The following TRAPPC8 variants were observed in gnomAD, a reference collection of about 807,000 sequenced individuals.
TRAPPC8 encodes general sporulation gene 1 homolog.
Under a neutral mutation model 174.3 loss-of-function variants are expected in TRAPPC8, and 54 were observed. The observed-to-expected ratio is 0.31, with a 90% CI of 0.25 to 0.39. The LOEUF (loss-of-function observed/expected upper bound fraction) is 0.39, where lower values mean the gene tolerates loss of function less well. Among genes scored for constraint, TRAPPC8 ranks in the 10% least tolerant of loss-of-function variants. TRAPPC8 has a pLI of 1.00. For synonymous variants in TRAPPC8, 630 were observed against 579.9 expected, an observed-to-expected ratio of 1.09 and a Z score of -1.24; for missense variants, 1,531 against 1,699.1, an observed-to-expected ratio of 0.90 and a Z score of 1.74.
At chr18:31,846,892 G>C (rs1350663946) in intron 25 of TRAPPC8, 75 bp from the exon 26 acceptor site, 2 of 1,051,090 alleles carry the variant, frequency 1.9e-6, no homozygotes, top group Non-Finnish European at 2.8e-6. Flanking sequence ...ATACTTGATA[G>C]AAAGTGGAAA....
Position 31,849,736 on chromosome 18 carries a change from T to A in TRAPPC8, c.3565A>T (p.Ile1189Leu). Residue 1189 changes from isoleucine (I) to leucine (L), a missense_variant, in exon 25 of 29, where the codon ATA (isoleucine) becomes TTA (leucine). Ile to Leu is a conservative substitution (Grantham distance 5). Transcript: ENST00000283351. ...ADIIFGNEQIISSASPCADFF... is the reference protein window; with the variant it reads ...ADIIFGNEQILSSASPCADFF... Reference sequence around the variant, plus strand: ...TCTGCACATGGGCTTGCTGAACTTATTATCTGTTAAAAGAAAATCACTTGT... The same window carrying A: ...TCTGCACATGGGCTTGCTGAACTTAATATCTGTTAAAAGAAAATCACTTGT... The A allele has an allele frequency of 6.3e-7, 1 of 1,588,410 alleles. No homozygotes were observed. The highest frequency in any genetic ancestry group is 8.5e-7 in the Non-Finnish European group (1 of 1,171,206).
chr18:31,867,111 C>G, intron 17 of TRAPPC8, 136 bp from the exon 18 acceptor site: 1 of 932,668 alleles, frequency 1.1e-6, no homozygotes, highest in Non-Finnish European at 1.6e-6. Context: ...TGAAAAGCAT[C>G]TTCTTCAAAA....
At chr18:31,843,149 G>A (rs2033197044) in intron 26 of TRAPPC8, among the ~76,000 whole-genome samples, 1 of 152,184 alleles carries the variant, frequency 6.6e-6, no homozygotes, top group East Asian at 1.9e-4. Flanking sequence ...ATATTAATCT[G>A]CAACACAATC....
intron 22 of TRAPPC8, among the ~76,000 whole-genome samples, chr18:31,853,545 G>A (rs1187079966): frequency 1.3e-5 from 2 of 152,160 alleles, no homozygotes; most frequent in African/African-American, 4.8e-5. Flanking sequence ...AGGAATTACA[G>A]GCGTGAGCCA....
At chr18:31,882,996 GGGTGGAT>G (rs2035530254) in intron 12 of TRAPPC8, among the ~76,000 whole-genome samples, 1 of 148,264 alleles carries the variant, frequency 6.7e-6, no homozygotes, top group African/African-American at 2.5e-5. Context: ...AGGCTGAGGT[GGGTGGAT>G]CACGAGTTCA....
chr18:31,842,324 T>C lies in TRAPPC8; in HGVS notation c.3838-2867A>G, dbSNP rs559802680. 5.9e-5 allele frequency among the ~76,000 whole-genome samples: 9 copies of C among 152,336 alleles called. No homozygotes were observed. The East Asian group carries it at 1.3e-3, about 23-fold the overall frequency. ...GAATGCCAATGTATAGTGATAAATA[T>C]AATTTGCTACCAACTGACCAATGTG... is the stretch of plus-strand genomic sequence containing the variant. On this transcript the variant is annotated intron_variant, in intron 26 of 28. Transcript: ENST00000283351.
chr18:31,915,396 G>C (rs1331146290), intron 4 of TRAPPC8, among the ~76,000 whole-genome samples: 1 of 148,962 alleles, frequency 6.7e-6, no homozygotes, highest in Non-Finnish European at 1.5e-5. Flanking sequence ...AGGAAGCACA[G>C]AGGCTGCAGT....
rs77763937 is a variant in TRAPPC8, at chr18:31,851,137, C to A, written c.3561+1309G>T. 1.7e-3 allele frequency among the ~76,000 whole-genome samples: 255 copies of A among 152,200 alleles called. 1 individual carries two copies. Among genetic ancestry groups the A allele is most frequent in the African/African-American group, 5.0e-3 (206 of 41,550 alleles). On this transcript the variant is annotated intron_variant, in intron 24 of 28. Coordinates refer to ENST00000283351, the MANE Select transcript of TRAPPC8 (RefSeq NM_014939.5). ...TGTTTAGAATTATCAAGGAGACGAGCAGAAAGAAGAAATCATCCCACTAAT... is the reference window on the plus strand; with the variant it reads ...TGTTTAGAATTATCAAGGAGACGAGAAGAAAGAAGAAATCATCCCACTAAT...
At chr18:31,881,085 T>G (rs567791804) in intron 12 of TRAPPC8, among the ~76,000 whole-genome samples, 2 of 151,958 alleles carry the variant, frequency 1.3e-5, no homozygotes, top group African/African-American at 4.8e-5. Flanking sequence ...AATCTACAGA[T>G]TCAACAAACT....
At chr18:31,876,182 G>C (rs1049737518) in intron 12 of TRAPPC8, among the ~76,000 whole-genome samples, 1 of 151,810 alleles carries the variant, frequency 6.6e-6, no homozygotes, top group African/African-American at 2.4e-5. Flanking sequence ...TTTTTAAAAG[G>C]AGAGTATTTT....
intron 2 of TRAPPC8, among the ~76,000 whole-genome samples, chr18:31,927,696 C>T (rs1443477397): frequency 6.6e-6 from 1 of 152,154 alleles, no homozygotes; most frequent in Non-Finnish European, 1.5e-5. Flanking sequence ...AGCGACTATG[C>T]CTGGCCTTAA....
chr18:31,874,315 A>G, intron 13 of TRAPPC8, 165 bp downstream of exon 13: 1 of 636,580 alleles, frequency 1.6e-6, no homozygotes, highest in Non-Finnish European at 2.7e-6. Flanking sequence ...GGAAGGGGCA[A>G]TGTAACCAAG....
intron 2 of TRAPPC8, among the ~76,000 whole-genome samples, chr18:31,925,534 T>A (rs930901536): frequency 6.6e-6 from 1 of 152,084 alleles, no homozygotes; most frequent in African/African-American, 2.4e-5. Context: ...AAGTTCTACA[T>A]CCAACTAACA....
intron 1 of TRAPPC8, among the ~76,000 whole-genome samples, chr18:31,940,827 A>G (rs886719995): frequency 1.3e-5 from 2 of 152,168 alleles, no homozygotes; most frequent in African/African-American, 2.4e-5. Context: ...TGTGACTCAC[A>G]TTATATTTCA....
chr18:31,894,976 G>A (rs1267769549), intron 11 of TRAPPC8, among the ~76,000 whole-genome samples: 1 of 152,188 alleles, frequency 6.6e-6, no homozygotes, highest in Non-Finnish European at 1.5e-5. Context: ...CCTATGCGGT[G>A]ATAAAGGTAG....
At chr18:31,871,215 T>C (rs2034843635) in intron 14 of TRAPPC8, 95 bp from the exon 15 acceptor site, 3 of 583,830 alleles carry the variant, frequency 5.1e-6, no homozygotes, top group Non-Finnish European at 8.2e-6. Context: ...AAAAAATATA[T>C]ATATATACAT....
intron 2 of TRAPPC8, among the ~76,000 whole-genome samples, chr18:31,931,084 T>C (rs907609644): frequency 6.6e-6 from 1 of 152,210 alleles, no homozygotes; most frequent in African/African-American, 2.4e-5. Context: ...CACAAAAGAA[T>C]TTTTTAATTT....
intron 1 of TRAPPC8, among the ~76,000 whole-genome samples, chr18:31,941,745 T>G (rs761355043): frequency 6.6e-6 from 1 of 152,202 alleles, no homozygotes; most frequent in Non-Finnish European, 1.5e-5. Context: ...CACAGGCTTA[T>G]TATGAAACCC....
intron 12 of TRAPPC8, among the ~76,000 whole-genome samples, chr18:31,884,518 A>G (rs1473919147): frequency 6.6e-6 from 1 of 152,248 alleles, no homozygotes; most frequent in African/African-American, 2.4e-5. Context: ...TATCACAAGC[A>G]TAAGCAGCTA....
Sources: gnomAD v4.1 joint callset for allele counts (sites outside exome capture counted in the v4.1 genomes callset) on GRCh38, gnomAD v4.1.1 for gene constraint, MANE v1.5 for transcripts, NCBI Gene and HGNC (gene_info 2026-07-23, HGNC 2026-07-21) for gene names.